Variants in PAPOLA observed in about 807,000 individuals in gnomAD.
PAPOLA encodes polynucleotide adenylyltransferase alpha.
A neutral mutation model predicts 100.6 loss-of-function variants in PAPOLA; 15 were observed. The ratio of observed to expected loss-of-function variants is 0.15; its 90% CI spans 0.10 to 0.23. PAPOLA has a LOEUF of 0.23. Ranked by LOEUF, PAPOLA falls within the 10% of genes least tolerant of loss-of-function variation. The pLI is 1.00. For synonymous variants in PAPOLA, 293 were observed against 300.0 expected, an observed-to-expected ratio of 0.98 and a Z score of 0.24; for missense variants, 533 against 884.2, an observed-to-expected ratio of 0.60 and a Z score of 5.04.
intron 1 of PAPOLA, among the ~76,000 whole-genome samples, chr14:96,519,621 G>A (rs1897774757): frequency 6.6e-6 from 1 of 152,126 alleles, no homozygotes; most frequent in Non-Finnish European, 1.5e-5. Flanking sequence ...TTAAGTTTTT[G>A]CTATTTGCTT....
At chr14:96,534,230 A>G (rs1595531133) in intron 9 of PAPOLA, 1 of 1,278,802 alleles carries the variant, frequency 7.8e-7, no homozygotes, top group Non-Finnish European at 9.9e-7. Context: ...CTTTATTTAA[A>G]TAGTCCTTTA....
chr14:96,549,668 A>G (rs1317586974), intron 16 of PAPOLA, among the ~76,000 whole-genome samples: 3 of 152,218 alleles, frequency 2.0e-5, no homozygotes, highest in Non-Finnish European at 2.9e-5. Context: ...ATGTTTCCAC[A>G]TATTTATTGT....
At chr14:96,534,015 A>G (rs1899301931) in intron 9 of PAPOLA, 1 of 986,722 alleles carries the variant, frequency 1.0e-6, no homozygotes, top group Non-Finnish European at 1.2e-6. Flanking sequence ...TATGCCACCA[A>G]GTTTTACTAC....
At chr14:96,538,693 A>G (rs945468227) in intron 12 of PAPOLA, among the ~76,000 whole-genome samples, 2 of 151,996 alleles carry the variant, frequency 1.3e-5, no homozygotes, top group African/African-American at 4.8e-5. Flanking sequence ...TATATTTTTA[A>G]TTGTTCTCCA....
intron 3 of PAPOLA, among the ~76,000 whole-genome samples, chr14:96,525,039 A>G (rs1032230635): frequency 1.3e-5 from 2 of 152,220 alleles, no homozygotes; most frequent in African/African-American, 4.8e-5. Context: ...GATCTTCTCA[A>G]TCACAGTCTT....
At chr14:96,561,116 A>G (rs1901806017) in intron 20 of PAPOLA, among the ~76,000 whole-genome samples, 1 of 152,306 alleles carries the variant, frequency 6.6e-6, no homozygotes, top group African/African-American at 2.4e-5. Context: ...CCGGGCTGAG[A>G]TCATGATCTG....
chr14:96,528,953 G>A (rs566122999), intron 6 of PAPOLA, among the ~76,000 whole-genome samples: 18 of 152,266 alleles, frequency 1.2e-4, no homozygotes, highest in Admixed American at 2.6e-4. Context: ...TAAAGTATAA[G>A]TTGAGGCCTC....
Position 96,556,346 on chromosome 14 carries a change from T to C in PAPOLA, c.1937T>C (p.Ile646Thr), listed in dbSNP as rs1013079377. 6.2e-7 allele frequency: 1 copy of C among 1,613,386 alleles called. No individual in the cohort carries two copies. The highest frequency in any genetic ancestry group is 1.3e-5 in the African/African-American group (1 of 74,972). Residue 646 changes from isoleucine to threonine, a missense_variant, in exon 19 of 22, where the codon ATA (isoleucine) becomes ACA (threonine). Transcript: ENST00000216277. ...GCAGCAACAAAAATACCTACTCCTA[T>C]AGTAGGAGTCAAGAGGACATCCTCA... ...GNAATKIPTP[I>T]VGVKRTSSPH...
intron 1 of PAPOLA, among the ~76,000 whole-genome samples, chr14:96,509,543 A>G (rs1357238059): frequency 6.6e-6 from 1 of 152,226 alleles, no homozygotes; most frequent in Non-Finnish European, 1.5e-5. Context: ...GATTGGATAT[A>G]TTCTGTAAAA....
chr14:96,533,121 C>T (rs374428103), intron 9 of PAPOLA: 1 of 981,732 alleles, frequency 1.0e-6, no homozygotes. Flanking sequence ...AATAAATTAA[C>T]ATTAAGTGCT....
intron 1 of PAPOLA, among the ~76,000 whole-genome samples, chr14:96,505,672 C>G (rs1166493019): frequency 6.6e-6 from 1 of 152,036 alleles, no homozygotes; most frequent in Non-Finnish European, 1.5e-5. Flanking sequence ...TCTGTGCTTC[C>G]CAGAGCGGGA....
In PAPOLA at chr14:96,502,421, C is replaced by A; in HGVS notation, c.-172C>A. 1 of 702,682 alleles carries A rather than the reference C, an allele frequency of 1.4e-6. No individual in the cohort carries two copies. 43.5% of individuals were successfully genotyped at this position (702,682 alleles called of 1,614,324 possible). ...GTAGCGCTCGGGCGCCATGTTAGGA[C>A]GAAGGGGAAGGAGGAGAAGCGCTTA... On this transcript the variant is annotated 5_prime_UTR_variant, in exon 1 of 22. Coordinates refer to ENST00000216277, the MANE Select transcript of PAPOLA (RefSeq NM_032632.5).
At chr14:96,507,161 C>A (rs940067818) in intron 1 of PAPOLA, among the ~76,000 whole-genome samples, 2 of 151,706 alleles carry the variant, frequency 1.3e-5, no homozygotes, top group African/African-American at 4.9e-5. Context: ...TTTATTGCAA[C>A]AGATTGAATG....
chr14:96,526,837 G>A (rs1898528917), intron 4 of PAPOLA: 2 of 152,522 alleles, frequency 1.3e-5, no homozygotes, highest in Admixed American at 1.3e-4. Flanking sequence ...TTAGGAAAAT[G>A]ACTGTTGACC....
intron 15 of PAPOLA, among the ~76,000 whole-genome samples, chr14:96,546,965 T>C (rs186079392): frequency 7.4e-4 from 113 of 152,270 alleles, no homozygotes; most frequent in African/African-American, 2.3e-3. Context: ...TCATGTTCAT[T>C]TAAATCTTCA....
intron 15 of PAPOLA, among the ~76,000 whole-genome samples, chr14:96,545,440 A>C (rs1437786691): frequency 6.6e-6 from 1 of 152,088 alleles, no homozygotes. Flanking sequence ...CAGCAGCGTT[A>C]GCATTGGTGA....
chr14:96,512,101 T>C (rs562752655), intron 1 of PAPOLA, among the ~76,000 whole-genome samples: 1 of 152,354 alleles, frequency 6.6e-6, no homozygotes, highest in South Asian at 2.1e-4. Context: ...TGGTGAACGG[T>C]AGAATTAGTT....
rs777946507 is a variant in PAPOLA at position 96,532,359 on chromosome 14, T to C, written c.636T>C (p.His212=). Residue 212 remains histidine (H), a synonymous_variant, in exon 8 of 22, where the codon CAT becomes CAC. Transcript: ENST00000216277. ...NGCRVTDEIL[H]LVPNIDNFRL... is the part of the protein sequence containing the mutation. ...GCAGGGTAACCGATGAAATTTTACATCTAGTACCAAACATTGACAACTTCA... is the reference window on the plus strand; with the variant it reads ...GCAGGGTAACCGATGAAATTTTACACCTAGTACCAAACATTGACAACTTCA... The C allele has an allele frequency of 6.2e-7, 1 of 1,613,440 alleles. No homozygotes were observed.
intron 19 of PAPOLA, among the ~76,000 whole-genome samples, chr14:96,560,031 C>T (rs1901708908): frequency 6.6e-6 from 1 of 152,134 alleles, no homozygotes; most frequent in East Asian, 1.9e-4. Context: ...TAAATCTCTT[C>T]TAAGCTATAA....
Sources: gnomAD v4.1 joint callset for allele counts (sites outside exome capture counted in the v4.1 genomes callset) on GRCh38, gnomAD v4.1.1 for gene constraint, MANE v1.5 for transcripts, NCBI Gene and HGNC (gene_info 2026-07-23, HGNC 2026-07-21) for gene names.